CCDC74B: variants seen among roughly 807,000 people sequenced by gnomAD.
CCDC74B encodes the protein coiled-coil domain-containing protein 74B.
Under a neutral mutation model 38.0 loss-of-function variants are expected in CCDC74B, and 34 were observed. That is an observed-to-expected ratio of 0.89 (90% CI 0.68 to 1.19). The LOEUF (loss-of-function observed/expected upper bound fraction) is 1.19, where lower values mean the gene tolerates loss of function less well. Ranked by LOEUF, CCDC74B falls within the 50% of genes most tolerant of loss-of-function variation. The pLI is 0.00. For missense variants in CCDC74B, 358 were observed against 406.0 expected (o/e 0.88, Z 1.02); for synonymous variants, 132 against 170.4 (o/e 0.77, Z 1.76).
rs779450387 is a variant in CCDC74B at position 130,139,669 on chromosome 2, C to T, written c.831G>A (p.Val277=). The change falls in exon 8 of 8, where the codon GTG becomes GTA. Residue 277 remains valine, a synonymous_variant. Transcript: ENST00000409943. ...SKKCLLLSPP[V]AERAILPALK... is the part of the protein sequence containing the mutation. The stretch of plus-strand genomic sequence containing the variant: ...GTGCGGGCAGGATGGCACGCTCCGC[C>T]ACAGGTGGGCTCAGAAGCAGGCTGG... The T allele has an allele frequency of 1.2e-6, 2 of 1,613,172 alleles. No homozygotes were observed. The highest frequency in any genetic ancestry group is 2.2e-5 in the East Asian group (1 of 44,880).
rs199976091 is a variant in CCDC74B, at chr2:130,139,635, T to C, written c.865A>G (p.Thr289Ala). ...ERAILPALKQ[T>A]PKNNFAERQK... The stretch of plus-strand genomic sequence containing the variant: ...CTCTCGGCAAAGTTGTTCTTCGGGG[T>C]CTGCTTCAGTGCGGGCAGGATGGCA... The change falls in exon 8 of 8, where the codon ACC (threonine) becomes GCC (alanine). Residue 289 changes from threonine to alanine, a missense_variant. Thr to Ala is a moderately conservative substitution (Grantham distance 58). Around this residue, in one of 3 missense-constraint regions of CCDC74B, gnomAD observed 213 missense variants for 212.3 expected, o/e 1.00. Coordinates refer to ENST00000409943, the MANE Select transcript of CCDC74B (RefSeq NM_001258307.2). The C allele has an allele frequency of 1.2e-3, 1,878 of 1,613,382 alleles. 41 individuals are homozygous for C. In the East Asian group the frequency reaches 0.036, roughly 31 times the overall value.
chr2:130,141,102 G>C, intron 4 of CCDC74B, 56 bp downstream of exon 4: 1 of 1,608,912 alleles, frequency 6.2e-7, no homozygotes, highest in Non-Finnish European at 8.5e-7. Flanking sequence ...GGCCCTTAGG[G>C]TGCAGGCAAG....
Position 130,139,592 on chromosome 2 carries a change from G to A in CCDC74B, c.908C>T (p.Ala303Val), listed in dbSNP as rs1227471384. ...GCGATGCAGGCGCCGTTTCTGCATT[G>A]CCTGCAGCCTCTTCTGCCTCTCGGC... is the stretch of plus-strand genomic sequence containing the variant. Reference protein sequence around the residue: ...NFAERQKRLQAMQKRRLHRSV... With the variant: ...NFAERQKRLQVMQKRRLHRSV... Residue 303 changes from alanine (A) to valine (V), a missense_variant, in exon 8 of 8, where the codon GCA (alanine) becomes GTA (valine). Physicochemically the swap from Ala to Val is moderately conservative, Grantham distance 64. Coordinates refer to ENST00000409943, the MANE Select transcript of CCDC74B (RefSeq NM_001258307.2). The A allele has an allele frequency of 1.9e-6, 3 of 1,613,248 alleles. No individual in the cohort carries two copies. The highest frequency in any genetic ancestry group is 3.3e-5 in the Admixed American group (2 of 59,990).
In CCDC74B at chr2:130,141,662, T is replaced by A. The variant is rs2599965; in HGVS notation, c.347-366A>T. 9.3e-3 allele frequency: 3,546 copies of A among 381,264 alleles called. 42 individuals are homozygous for A. Among genetic ancestry groups the A allele is most frequent in the Middle Eastern group, 0.015 (19 of 1,284 alleles). The allele number at this position is 381,264 out of a possible 1,614,324, so 23.6% of individuals were successfully genotyped here. The stretch of plus-strand genomic sequence containing the variant: ...TCACAGGAATGGTGAGGGTTAGGGC[T>A]GGGCTGAGGAAAATGCCCGGCCTCA... On this transcript the variant is annotated intron_variant, in intron 3 of 7. Transcript: ENST00000409943.
In CCDC74B at chr2:130,139,519, G is replaced by C; in HGVS notation, c.*36C>G. 9 of 1,608,840 alleles carry C rather than the reference G, an allele frequency of 5.6e-6. No individual in the cohort carries two copies. Among genetic ancestry groups the C allele is most frequent in the Non-Finnish European group, 7.6e-6 (9 of 1,176,882 alleles). On this transcript the variant is annotated 3_prime_UTR_variant, in exon 8 of 8. Coordinates refer to ENST00000409943, the MANE Select transcript of CCDC74B (RefSeq NM_001258307.2). ...TATAGAGAGCCAATCTCCAGCTGCA[G>C]GTTGGTGGGCCTGGCACTGACCAGA...
chr2:130,142,402 G>A (rs1367537414), intron 2 of CCDC74B: 2 of 1,613,530 alleles, frequency 1.2e-6, no homozygotes. Flanking sequence ...GGAGGGCTTG[G>A]GACACATGGA....
At chr2:130,144,542 C>A in intron 1 of CCDC74B, 1 of 1,550,416 alleles carries the variant, frequency 6.4e-7, no homozygotes, top group Non-Finnish European at 8.7e-7. Flanking sequence ...GACAGGCAGA[C>A]AGGTTCGGCA....
intron 7 of CCDC74B, 35 bp from the exon 8 acceptor site, chr2:130,139,725 T>C: frequency 6.2e-7 from 1 of 1,611,586 alleles, no homozygotes; most frequent in Non-Finnish European, 8.5e-7. Context: ...ACCGTGAGCA[T>C]CCTCGCGAGT....
In CCDC74B at chr2:130,143,262, T is replaced by C; in HGVS notation, c.295+7A>G. The stretch of plus-strand genomic sequence containing the variant: ...TCCCATCAGGAACTGAAGGGCCCAG[T>C]TCTCACCTTTCTTCTGTGATGTCTG... On this transcript the variant is annotated splice_region_variant and intron_variant, in intron 2 of 7. Transcript: ENST00000409943. 6.2e-7 allele frequency: 1 copy of C among 1,613,684 alleles called. No homozygotes were observed. The highest frequency in any genetic ancestry group is 8.5e-7 in the Non-Finnish European group (1 of 1,179,664).
Position 130,142,028 on chromosome 2 carries a change from C to T in CCDC74B, c.346+105G>A, listed in dbSNP as rs1186364947. On this transcript the variant is annotated intron_variant, in intron 3 of 7. Coordinates refer to ENST00000409943, the MANE Select transcript of CCDC74B (RefSeq NM_001258307.2). ...GCACCTTCATCCCCAAATCCTGGAGCTTGGCCCAGCAGAGGGTACCTGGTC... is the reference window on the plus strand; with the variant it reads ...GCACCTTCATCCCCAAATCCTGGAGTTTGGCCCAGCAGAGGGTACCTGGTC... The T allele has an allele frequency of 1.2e-5, 18 of 1,514,824 alleles. 1 individual carries two copies. The Admixed American group carries it at 1.9e-4, about 16-fold the overall frequency. 93.8% of individuals were successfully genotyped at this position (1,514,824 alleles called of 1,614,324 possible).
chr2:130,143,239 C>A, intron 2 of CCDC74B, 30 bp downstream of exon 2: 1 of 1,607,730 alleles, frequency 6.2e-7, no homozygotes, highest in African/African-American at 1.3e-5. Context: ...CAAGAGCATC[C>A]CATCAGGAAC....
chr2:130,141,770 C>A (rs990976536), intron 3 of CCDC74B: 33 of 436,350 alleles, frequency 7.6e-5, no homozygotes, highest in Middle Eastern at 1.3e-3. Flanking sequence ...GCAGTGCCAT[C>A]CCTCCTGTGT....
chr2:130,141,194 T>G lies in CCDC74B; in HGVS notation c.449A>C (p.Lys150Thr), dbSNP rs1685597793. Residue 150 changes from lysine (K) to threonine (T), a missense_variant, in exon 4 of 8, where the codon AAG becomes ACG. Coordinates refer to ENST00000409943, the MANE Select transcript of CCDC74B (RefSeq NM_001258307.2). ...LEEEPLLHNS[K>T]LDKVPGVQGQ... Reference sequence around the variant, plus strand: ...TTGTACCCCAGGAACCTTGTCCAGCTTGCTGTTGTGAAGTAGGGGCTCCTC... The same window carrying G: ...TTGTACCCCAGGAACCTTGTCCAGCGTGCTGTTGTGAAGTAGGGGCTCCTC... 1.2e-6 allele frequency: 2 copies of G among 1,612,996 alleles called. No homozygotes were observed. The highest frequency in any genetic ancestry group is 3.3e-5 in the Admixed American group (2 of 59,938).
intron 2 of CCDC74B, chr2:130,142,459 G>C (rs1165658311): frequency 6.2e-7 from 1 of 1,611,842 alleles, no homozygotes; most frequent in South Asian, 1.1e-5. Context: ...TGTCCTGTCA[G>C]CGTCCCCAGC....
intron 2 of CCDC74B, chr2:130,142,979 C>A: frequency 2.0e-6 from 3 of 1,510,582 alleles, no homozygotes; most frequent in Non-Finnish European, 2.7e-6. Context: ...GGGTTCCTTC[C>A]CATTTCAGCT....
intron 1 of CCDC74B, chr2:130,144,274 G>C: frequency 2.4e-6 from 1 of 415,030 alleles, no homozygotes; most frequent in Non-Finnish European, 4.6e-6. Flanking sequence ...CGAGTAGCTG[G>C]GACTACAGAC....
intron 4 of CCDC74B, 171 bp from the exon 5 acceptor site, chr2:130,140,542 C>T: frequency 1.4e-6 from 1 of 706,744 alleles, no homozygotes. Flanking sequence ...GGGACTGGGG[C>T]CTGTCCCTTT....
chr2:130,143,326 A>AC lies in CCDC74B; in HGVS notation c.251-14dup. 1 of 1,614,018 alleles carries AC rather than the reference A, an allele frequency of 6.2e-7. No individual in the cohort carries two copies. The highest frequency in any genetic ancestry group is 8.5e-7 in the Non-Finnish European group (1 of 1,179,866). On this transcript the variant is annotated splice_polypyrimidine_tract_variant and intron_variant, in intron 1 of 7. Coordinates refer to ENST00000409943, the MANE Select transcript of CCDC74B (RefSeq NM_001258307.2). ...TTGTAACGGAGATCTGAAAGCAAGC[A>AC]CACGCTCTCCTCAGCACTTGTGAAA...
At chr2:130,143,164 G>A (rs1240826625) in intron 2 of CCDC74B, 105 bp downstream of exon 2, 5 of 1,548,532 alleles carry the variant, frequency 3.2e-6, no homozygotes, top group Non-Finnish European at 4.4e-6. Flanking sequence ...TCCCCACTGG[G>A]TTGGCATACA....
Sources: allele counts gnomAD v4.1 joint callset, GRCh38; gene constraint gnomAD v4.1.1; regional missense constraint gnomAD v4.1.1; transcripts MANE v1.5; gene names NCBI Gene and HGNC (gene_info 2026-07-23, HGNC 2026-07-21).